Variants in FAM135B observed in about 807,000 individuals in gnomAD.
The protein encoded by FAM135B is family with sequence similarity 135 member B.
A neutral mutation model predicts 127.7 loss-of-function variants in FAM135B; 43 were observed. The observed-to-expected ratio is 0.34, with a 90% confidence interval of 0.26 to 0.43. The LOEUF (loss-of-function observed/expected upper bound fraction) is 0.43, where lower values mean the gene tolerates loss of function less well. FAM135B is among the 20% of genes least tolerant of loss of function. The probability of loss-of-function intolerance (pLI) is 1.00; values close to 1 mark genes in which losing one functional copy is unlikely to be tolerated. For synonymous variants in FAM135B, 670 were observed against 665.1 expected (o/e 1.01, Z -0.11); for missense variants, 1,558 against 1,725.6 (o/e 0.90, Z 1.72).
intron 12 of FAM135B, among the ~76,000 whole-genome samples, chr8:138,158,245 A>G (rs1473089351): frequency 1.3e-5 from 2 of 152,240 alleles, no homozygotes; most frequent in African/African-American, 2.4e-5. Context: ...CTGGCTAGCC[A>G]TATGTATAAA....
At chr8:138,270,061 G>C (rs1393346568) in intron 3 of FAM135B, among the ~76,000 whole-genome samples, 4 of 152,120 alleles carry the variant, frequency 2.6e-5, no homozygotes, top group Non-Finnish European at 5.9e-5. Flanking sequence ...CTGTAGTTGA[G>C]CATGTGCTGC....
At chr8:138,257,216 A>G (rs1177994753) in intron 4 of FAM135B, among the ~76,000 whole-genome samples, 2 of 152,164 alleles carry the variant, frequency 1.3e-5, no homozygotes, top group Non-Finnish European at 2.9e-5. Flanking sequence ...CTCTCAGGGC[A>G]GGCACCATTG....
chr8:138,207,216 CTTTTTTT>C (rs72229891), intron 7 of FAM135B, among the ~76,000 whole-genome samples: 1 of 134,060 alleles, frequency 7.5e-6, no homozygotes, highest in Non-Finnish European at 1.6e-5. Flanking sequence ...TGAAACAATA[CTTTTTTT>C]TTTTTTTTTT....
At chr8:138,333,924 T>C (rs1461006711) in intron 2 of FAM135B, among the ~76,000 whole-genome samples, 1 of 152,066 alleles carries the variant, frequency 6.6e-6, no homozygotes, top group Non-Finnish European at 1.5e-5. Context: ...GTCTCTTTTA[T>C]TTGAGGGGAG....
intron 11 of FAM135B, among the ~76,000 whole-genome samples, chr8:138,172,480 T>C (rs1416371732): frequency 6.6e-6 from 1 of 152,238 alleles, no homozygotes; most frequent in Non-Finnish European, 1.5e-5. Context: ...TGTTCTCCTT[T>C]AACACCCTAC....
intron 1 of FAM135B, among the ~76,000 whole-genome samples, chr8:138,496,289 T>C (rs1222532109): frequency 7.9e-5 from 12 of 152,158 alleles, no homozygotes; most frequent in Non-Finnish European, 1.6e-4. Flanking sequence ...AGGGAATCGC[T>C]GCCACTGTCC....
chr8:138,244,134 T>C (rs1467965220), intron 6 of FAM135B, among the ~76,000 whole-genome samples: 1 of 152,184 alleles, frequency 6.6e-6, no homozygotes, highest in Non-Finnish European at 1.5e-5. Context: ...ATTAGGCCCA[T>C]ACCATATGCC....
At chr8:138,451,813 TA>T (rs1232632542) in intron 1 of FAM135B, among the ~76,000 whole-genome samples, 4 of 152,074 alleles carry the variant, frequency 2.6e-5, no homozygotes, top group African/African-American at 9.7e-5. Flanking sequence ...AAATATTGGG[TA>T]AAAAGATGGA....
At chr8:138,398,167 G>A (rs1832951099) in intron 1 of FAM135B, among the ~76,000 whole-genome samples, 1 of 152,166 alleles carries the variant, frequency 6.6e-6, no homozygotes, top group Non-Finnish European at 1.5e-5. Context: ...AAATGGAAAT[G>A]GCACCACCAC....
At chr8:138,272,713 T>C (rs535375415) in intron 3 of FAM135B, among the ~76,000 whole-genome samples, 1 of 152,358 alleles carries the variant, frequency 6.6e-6, no homozygotes, top group African/African-American at 2.4e-5. Flanking sequence ...GTGTTGCCTC[T>C]AGTACACTTT....
chr8:138,247,613 T>C (rs1401452734), intron 6 of FAM135B, among the ~76,000 whole-genome samples: 2 of 152,198 alleles, frequency 1.3e-5, no homozygotes, highest in African/African-American at 4.8e-5. Context: ...TCTTTCTTCA[T>C]AGCAGAGTGA....
chr8:138,470,299 G>A (rs1837606578), intron 1 of FAM135B, among the ~76,000 whole-genome samples: 1 of 152,046 alleles, frequency 6.6e-6, no homozygotes, highest in South Asian at 2.1e-4. Context: ...GACCAGGTGG[G>A]TATAAAAACC....
chr8:138,185,123 A>G (rs1815433472), intron 9 of FAM135B, among the ~76,000 whole-genome samples: 1 of 152,178 alleles, frequency 6.6e-6, no homozygotes, highest in Non-Finnish European at 1.5e-5. Flanking sequence ...GAGAGGTAAC[A>G]GTGACCACAG....
At chr8:138,284,079 A>G (rs2130758840) in intron 3 of FAM135B, among the ~76,000 whole-genome samples, 1 of 152,300 alleles carries the variant, frequency 6.6e-6, no homozygotes, top group South Asian at 2.1e-4. Flanking sequence ...AAACTGCTCT[A>G]AAAAATAAAA....
chr8:138,144,037 C>T (rs1460116409), intron 15 of FAM135B, among the ~76,000 whole-genome samples: 1 of 152,172 alleles, frequency 6.6e-6, no homozygotes, highest in Non-Finnish European at 1.5e-5. Context: ...GGGATCTGTG[C>T]CCTGGACCTG....
chr8:138,382,350 G>A (rs1831909357), intron 1 of FAM135B, among the ~76,000 whole-genome samples: 1 of 152,124 alleles, frequency 6.6e-6, no homozygotes. Context: ...TCCTCCTGAG[G>A]GGCTCCTCTT....
chr8:138,435,280 G>A (rs1337270416), intron 1 of FAM135B, among the ~76,000 whole-genome samples: 1 of 151,982 alleles, frequency 6.6e-6, no homozygotes, highest in East Asian at 1.9e-4. Context: ...CTGGGTGACA[G>A]AGTAAGACTC....
In FAM135B at chr8:138,151,623, G is replaced by A. The variant is rs751001649; in HGVS notation, c.2852C>T (p.Thr951Ile). ...SAADAINRNS[T>I]GQQSQSGSPC... ...TGAACCGCTTTGGCTTTGCTGGCCT[G>A]TTGAGTTCCTGTTGATGGCATCAGC... Residue 951 changes from threonine to isoleucine, a missense_variant, in exon 13 of 20, where the codon ACA (threonine) becomes ATA (isoleucine). By Grantham distance (89) the Thr-to-Ile change is moderately conservative (BLOSUM62 -1). This residue lies in a region of FAM135B where 923 missense variants were observed against 865.3 expected (regional missense o/e 1.07). Coordinates refer to ENST00000395297, the MANE Select transcript of FAM135B (RefSeq NM_015912.4). 5 of 1,614,188 alleles carry A rather than the reference G, an allele frequency of 3.1e-6. No individual in the cohort carries two copies. Among genetic ancestry groups the A allele is most frequent in the Middle Eastern group, 1.6e-4 (1 of 6,062 alleles).
chr8:138,282,025 C>A (rs1824304442), intron 3 of FAM135B, among the ~76,000 whole-genome samples: 1 of 152,196 alleles, frequency 6.6e-6, no homozygotes, highest in Non-Finnish European at 1.5e-5. Flanking sequence ...AGCAGAAAAT[C>A]TGCCTATTTT....
Sources: allele counts gnomAD v4.1 joint callset (sites outside exome capture counted in the v4.1 genomes callset), GRCh38; gene constraint gnomAD v4.1.1; regional missense constraint gnomAD v4.1.1; transcripts MANE v1.5; gene names NCBI Gene and HGNC (gene_info 2026-07-23, HGNC 2026-07-21).